Variants in STYXL2 observed in about 807,000 individuals in gnomAD.
STYXL2 encodes serine/threonine/tyrosine-interacting-like protein 2.
STYXL2 carries 44 observed loss-of-function variants against 52.4 expected under a neutral mutation model. The ratio of observed to expected loss-of-function variants is 0.84; its 90% CI spans 0.66 to 1.08. The LOEUF is 1.08. Among genes scored for constraint, STYXL2 ranks in the 50% least tolerant of loss-of-function variants. STYXL2 has a pLI of 0.00. For synonymous variants in STYXL2, 604 were observed against 586.9 expected (o/e 1.03, Z -0.42); for missense variants, 1,604 against 1,471.7 (o/e 1.09, Z -1.47).
intron 5 of STYXL2, among the ~76,000 whole-genome samples, chr1:167,124,946 T>TAAAAAAAAAA (rs10531474): frequency 7.7e-6 from 1 of 129,698 alleles, no homozygotes; most frequent in Non-Finnish European, 1.7e-5. Flanking sequence ...TACAAACTCC[T>TAAAAAAAAAA]AAAAAAAAAA....
intron 2 of STYXL2, among the ~76,000 whole-genome samples, chr1:167,111,329 G>A (rs549794240): frequency 4.0e-4 from 61 of 151,742 alleles, no homozygotes; most frequent in Admixed American, 2.2e-3. Flanking sequence ...CCACTCCTGA[G>A]TATCTACCCA....
intron 2 of STYXL2, among the ~76,000 whole-genome samples, chr1:167,109,923 G>A (rs1277205264): frequency 2.0e-5 from 3 of 152,170 alleles, no homozygotes; most frequent in African/African-American, 4.8e-5. Flanking sequence ...TTGAGAAAAC[G>A]AGTGCAGTAA....
intron 2 of STYXL2, among the ~76,000 whole-genome samples, chr1:167,101,141 C>T (rs910090596): frequency 6.6e-6 from 1 of 152,184 alleles, no homozygotes; most frequent in African/African-American, 2.4e-5. Flanking sequence ...AGGAAACAAA[C>T]AACTCAATTA....
Position 167,127,357 on chromosome 1 carries a change from G to A in STYXL2, c.2226G>A (p.Met742Ile). The A allele has an allele frequency of 6.2e-7, 1 of 1,614,192 alleles. No individual in the cohort carries two copies. The highest frequency in any genetic ancestry group is 8.5e-7 in the Non-Finnish European group (1 of 1,180,048). The change falls in exon 6 of 6, where the codon ATG becomes ATA. Residue 742 changes from methionine (M) to isoleucine (I), a missense_variant. Transcript: ENST00000361200. Reference sequence around the variant, plus strand: ...CCCTTGCTCAGAAGCAAAATGAAATGCTGCTGTTGTCCCGCTCACCGTCTG... The same window carrying A: ...CCCTTGCTCAGAAGCAAAATGAAATACTGCTGTTGTCCCGCTCACCGTCTG... ...SETLAQKQNEMLLLSRSPSVA... is the reference protein window; with the variant it reads ...SETLAQKQNEILLLSRSPSVA...
rs754658784 is a variant in STYXL2, at chr1:167,127,693, C to T, written c.2562C>T (p.Tyr854=). 30 of 1,613,860 alleles carry T rather than the reference C, an allele frequency of 1.9e-5. No homozygotes were observed. Among genetic ancestry groups the T allele is most frequent in the Admixed American group, 1.3e-4 (8 of 59,980 alleles). Reference sequence around the variant, plus strand: ...AGCTTAGGGAGAAGATGTCTGAGTACAAAATGGAAAAGCTGGCCTCAGACA... The same window carrying T: ...AGCTTAGGGAGAAGATGTCTGAGTATAAAATGGAAAAGCTGGCCTCAGACA... ...QMELREKMSE[Y]KMEKLASDNK... The change falls in exon 6 of 6, where the codon TAC becomes TAT. Residue 854 remains tyrosine, a synonymous_variant. Transcript: ENST00000361200.
chr1:167,117,057 C>T, intron 3 of STYXL2, among the ~76,000 whole-genome samples: 1 of 152,198 alleles, frequency 6.6e-6, no homozygotes, highest in Non-Finnish European at 1.5e-5. Context: ...AATTATCGAC[C>T]AGCTTCAGAG....
chr1:167,098,609 C>G (rs778968127), intron 2 of STYXL2, among the ~76,000 whole-genome samples: 2 of 152,124 alleles, frequency 1.3e-5, no homozygotes, highest in Non-Finnish European at 2.9e-5. Flanking sequence ...TAATCAGGAG[C>G]CTGGATGAGG....
intron 4 of STYXL2, among the ~76,000 whole-genome samples, chr1:167,118,719 C>T (rs1255436673): frequency 1.3e-5 from 2 of 152,124 alleles, no homozygotes; most frequent in African/African-American, 2.4e-5. Flanking sequence ...TCTTTTTCTC[C>T]TTTCACAATC....
intron 2 of STYXL2, among the ~76,000 whole-genome samples, chr1:167,107,765 A>G (rs1571335739): frequency 2.0e-5 from 3 of 152,226 alleles, no homozygotes; most frequent in Admixed American, 1.3e-4. Context: ...AGAGGGTATG[A>G]TCTAGTGTAG....
At chr1:167,117,176 C>G in intron 3 of STYXL2, 152 bp from the exon 4 acceptor site, 1 of 673,448 alleles carries the variant, frequency 1.5e-6, no homozygotes, top group Non-Finnish European at 2.5e-6. Context: ...GTACCCTGGG[C>G]CCAATTAAAG....
rs1667998467 is a variant in STYXL2, at chr1:167,127,391, A to G, written c.2260A>G (p.Met754Val). Residue 754 changes from methionine to valine, a missense_variant, in exon 6 of 6, where the codon ATG (methionine) becomes GTG (valine). Transcript: ENST00000361200. ...GTCCCGCTCACCGTCTGTTGCAAGC[A>G]TGAAGGCAGTACCAGCGGCTAGCTG... is the stretch of plus-strand genomic sequence containing the variant. ...LLSRSPSVASMKAVPAASCLG... is the reference protein window; with the variant it reads ...LLSRSPSVASVKAVPAASCLG... The G allele has an allele frequency of 2.5e-6, 4 of 1,614,072 alleles. No homozygotes were observed. The highest frequency in any genetic ancestry group is 2.7e-5 in the African/African-American group (2 of 74,922).
At chr1:167,094,778 C>A in intron 1 of STYXL2, 56 bp from the exon 2 acceptor site, 1 of 1,268,970 alleles carries the variant, frequency 7.9e-7, no homozygotes, top group East Asian at 2.5e-5. Flanking sequence ...ACTTCTCCCC[C>A]AACAAAACCT....
chr1:167,102,102 T>C (rs1342019025), intron 2 of STYXL2, among the ~76,000 whole-genome samples: 1 of 150,814 alleles, frequency 6.6e-6, no homozygotes, highest in Admixed American at 6.6e-5. Flanking sequence ...TGCAAACCCA[T>C]CTCTACAGTG....
rs776014246 is a variant in STYXL2 at position 167,111,469 on chromosome 1, C to CATATAT, written c.111-2201_111-2196dup. Reference sequence around the variant, plus strand: ...ACAAGTGGATAAGGAAAATATGGTACATATATATATATATATATATATATA... The same window carrying CATATAT: ...ACAAGTGGATAAGGAAAATATGGTACATATATATATATATATATATATATATATATA... On this transcript the variant is annotated intron_variant, in intron 2 of 5. Transcript: ENST00000361200. Among the ~76,000 whole-genome samples the CATATAT allele has an allele frequency of 1.9e-3, 153 of 79,754 alleles. 1 individual carries two copies. The highest frequency in any genetic ancestry group is 2.8e-3 in the South Asian group (6 of 2,118). The allele number at this position is 79,754 out of a possible 152,430, so 52.3% of individuals were successfully genotyped here.
intron 3 of STYXL2, among the ~76,000 whole-genome samples, chr1:167,114,860 T>A (rs1228740920): frequency 1.3e-5 from 2 of 152,200 alleles, no homozygotes; most frequent in East Asian, 3.8e-4. Context: ...GTCTTCACCC[T>A]GGTCCAGTTC....
chr1:167,115,066 A>C (rs928902464), intron 3 of STYXL2, among the ~76,000 whole-genome samples: 2 of 152,158 alleles, frequency 1.3e-5, no homozygotes, highest in Non-Finnish European at 2.9e-5. Flanking sequence ...AATAAAAAAC[A>C]TTTTCTCTCT....
At position 167,127,922 on chromosome 1, in the gene STYXL2, A is replaced by T. The variant is rs1471615521; in HGVS notation, c.2791A>T (p.Met931Leu). 6.2e-7 allele frequency: 1 copy of T among 1,613,968 alleles called. No individual in the cohort carries two copies. Among genetic ancestry groups the T allele is most frequent in the Non-Finnish European group, 8.5e-7 (1 of 1,180,016 alleles). ...AAGTGGCAGCAGAGTTGGCAAAGAG[A>T]TGGATAGCAGTATTAATAAGTGGCT... is the stretch of plus-strand genomic sequence containing the variant. ...YASGSRVGKEMDSSINKWLSG... is the reference protein window; with the variant it reads ...YASGSRVGKELDSSINKWLSG... The change falls in exon 6 of 6, where the codon ATG becomes TTG. Residue 931 changes from methionine to leucine, a missense_variant. Physicochemically the swap from Met to Leu is conservative, Grantham distance 15. Coordinates refer to ENST00000361200, the MANE Select transcript of STYXL2 (RefSeq NM_001080426.3).
At chr1:167,109,879 C>T (rs931149095) in intron 2 of STYXL2, among the ~76,000 whole-genome samples, 2 of 152,182 alleles carry the variant, frequency 1.3e-5, no homozygotes, top group African/African-American at 4.8e-5. Flanking sequence ...TGAGTCTGTC[C>T]ACATGACAAC....
intron 2 of STYXL2, among the ~76,000 whole-genome samples, chr1:167,109,825 C>A (rs750187496): frequency 1.3e-5 from 2 of 152,228 alleles, no homozygotes; most frequent in African/African-American, 4.8e-5. Context: ...GAGAAAACAA[C>A]AGCTAATTCT....
Sources: allele counts gnomAD v4.1 joint callset (sites outside exome capture counted in the v4.1 genomes callset), GRCh38; gene constraint gnomAD v4.1.1; transcripts MANE v1.5; gene names NCBI Gene and HGNC (gene_info 2026-07-23, HGNC 2026-07-21).